RTF2: variants seen among roughly 807,000 people sequenced by gnomAD.
The protein encoded by RTF2 is UPF0549 protein C20orf43.
Under a neutral mutation model 38.0 loss-of-function variants are expected in RTF2, and 18 were observed. The observed-to-expected ratio is 0.47, with a 90% CI of 0.33 to 0.70. The LOEUF is 0.70. Ranked by LOEUF, RTF2 falls within the 30% of genes least tolerant of loss-of-function variation. The pLI, the probability that RTF2 is intolerant of heterozygous loss-of-function variation, is 0.02. For missense variants in RTF2, 311 were observed against 379.6 expected, an observed-to-expected ratio of 0.82 and a Z score of 1.50; for synonymous variants, 126 against 137.1, an observed-to-expected ratio of 0.92 and a Z score of 0.57.
intron 5 of RTF2, among the ~76,000 whole-genome samples, chr20:56,506,375 G>A (rs565685135): frequency 6.6e-5 from 10 of 152,264 alleles, no homozygotes; most frequent in Middle Eastern, 3.4e-3. Context: ...ACCATGTCTC[G>A]GAAGTGGAAT....
chr20:56,473,327 C>T lies in RTF2; in HGVS notation c.96C>T (p.Ala32=). Residue 32 remains alanine, a synonymous_variant, in exon 2 of 9, where the codon GCC becomes GCT. Transcript: ENST00000357348. ...TCGACAAAGATGCTGAATTAGTGGC[C>T]CAATGGAACTATTGTACTCTAAGTC... ...EKVDKDAELV[A]QWNYCTLSQE... The T allele has an allele frequency of 6.2e-7, 1 of 1,613,340 alleles. No homozygotes were observed. The highest frequency in any genetic ancestry group is 1.3e-5 in the African/African-American group (1 of 74,912).
intron 5 of RTF2, among the ~76,000 whole-genome samples, chr20:56,498,203 A>G (rs1983685408): frequency 6.6e-6 from 1 of 152,222 alleles, no homozygotes; most frequent in Admixed American, 6.5e-5. Flanking sequence ...TATTCTGCAT[A>G]TAAGACTAAT....
At chr20:56,487,719 T>C (rs1358231925) in intron 5 of RTF2, among the ~76,000 whole-genome samples, 1 of 152,248 alleles carries the variant, frequency 6.6e-6, no homozygotes, top group Admixed American at 6.5e-5. Flanking sequence ...GTCATTGTCT[T>C]ATAGTTCTGG....
chr20:56,497,027 A>G (rs1212831631), intron 5 of RTF2: 3 of 1,551,744 alleles, frequency 1.9e-6, no homozygotes, highest in South Asian at 2.4e-5. Context: ...ATTGAAATTT[A>G]GAATGCACTA....
At position 56,497,160 on chromosome 20, in the gene RTF2, T is replaced by C. The variant is rs149079787; in HGVS notation, c.477+12971T>C. On this transcript the variant is annotated intron_variant, in intron 5 of 8. Coordinates refer to ENST00000357348, the MANE Select transcript of RTF2 (RefSeq NM_016407.5). Reference sequence around the variant, plus strand: ...AACCAAGGTTTGCACAGCAGTCTTATACTTCATTGGGGCCTTTTCATCAAC... The same window carrying C: ...AACCAAGGTTTGCACAGCAGTCTTACACTTCATTGGGGCCTTTTCATCAAC... 607 of 1,551,424 alleles carry C rather than the reference T, an allele frequency of 3.9e-4. 2 individuals are homozygous for C. In the African/African-American group the frequency reaches 7.3e-3, roughly 19 times the overall value.
chr20:56,495,335 T>C (rs893724104), intron 5 of RTF2: 11 of 1,438,000 alleles, frequency 7.6e-6, no homozygotes, highest in Non-Finnish European at 1.1e-5. Context: ...GTGTGGAATC[T>C]GCTTCCCAGT....
intron 1 of RTF2, chr20:56,472,516 C>T: frequency 1.6e-6 from 1 of 613,588 alleles, no homozygotes; most frequent in South Asian, 2.1e-5. Context: ...AGCCCCAAAA[C>T]ACTTATTTCT....
chr20:56,480,265 C>T (rs547814655), intron 4 of RTF2, among the ~76,000 whole-genome samples: 71 of 152,286 alleles, frequency 4.7e-4, no homozygotes, highest in East Asian at 3.1e-3. Context: ...GTTATGGAGA[C>T]GCCTTCTTTC....
At position 56,517,174 on chromosome 20, in the gene RTF2, A is replaced by C. The variant is rs767826649; in HGVS notation, c.715A>C (p.Lys239Gln). 8.7e-6 allele frequency: 14 copies of C among 1,614,078 alleles called. No individual in the cohort carries two copies. Among genetic ancestry groups the C allele is most frequent in the South Asian group, 5.5e-5 (5 of 91,074 alleles). Residue 239 changes from lysine (K) to glutamine (Q), a missense_variant, in exon 8 of 9, where the codon AAA (lysine) becomes CAA (glutamine). Transcript: ENST00000357348. The part of the protein sequence containing the change: ...EEASLDSREK[K>Q]TNLAPKSTAM... ...AGCCAGCCTTGATTCTAGAGAGAAGAAAACCAACTTGGCTCCCAAAAGCAC... is the reference window on the plus strand; with the variant it reads ...AGCCAGCCTTGATTCTAGAGAGAAGCAAACCAACTTGGCTCCCAAAAGCAC...
At chr20:56,512,751 G>A (rs867268925) in intron 5 of RTF2, among the ~76,000 whole-genome samples, 4 of 152,180 alleles carry the variant, frequency 2.6e-5, no homozygotes, top group Admixed American at 2.6e-4. Context: ...GGGAAAAGGC[G>A]CATGTAGCAG....
rs770881705 is a variant in RTF2 at position 56,484,121 on chromosome 20, C to T, written c.409C>T (p.Leu137Phe). ...EMNGRHRFCF[L>F]RCCGCVFSER... is the part of the protein sequence containing the mutation. ...GGGTTATTTCTCCAGGTTCTGCTTC[C>T]TTCGGTGCTGCGGCTGTGTGTTTTC... Residue 137 changes from leucine (L) to phenylalanine (F), a missense_variant, in exon 5 of 9, where the codon CTT becomes TTT. Physicochemically the swap from Leu to Phe is conservative, Grantham distance 22. Coordinates refer to ENST00000357348, the MANE Select transcript of RTF2 (RefSeq NM_016407.5). 6.2e-7 allele frequency: 1 copy of T among 1,614,078 alleles called. No individual in the cohort carries two copies. The highest frequency in any genetic ancestry group is 8.5e-7 in the Non-Finnish European group (1 of 1,179,998).
intron 6 of RTF2, among the ~76,000 whole-genome samples, chr20:56,515,293 C>T (rs568074135): frequency 2.6e-5 from 4 of 152,136 alleles, no homozygotes; most frequent in South Asian, 4.2e-4. Flanking sequence ...AAAGGGCAGC[C>T]GGGTGCCGTG....
rs183071127 is a variant in RTF2 at position 56,483,268 on chromosome 20, A to G, written c.399-843A>G. On this transcript the variant is annotated intron_variant, in intron 4 of 8. Coordinates refer to ENST00000357348, the MANE Select transcript of RTF2 (RefSeq NM_016407.5). Reference sequence around the variant, plus strand: ...TACTGCCAAATTATCTTCCTAAAGTATTGTACTGTGTTGTATCCACCTGAC... The same window carrying G: ...TACTGCCAAATTATCTTCCTAAAGTGTTGTACTGTGTTGTATCCACCTGAC... Among the ~76,000 whole-genome samples, 419 of 152,052 alleles carry G rather than the reference A, an allele frequency of 2.8e-3. 7 individuals are homozygous for G. The highest frequency in any genetic ancestry group is 1.4e-3 in the Non-Finnish European group (94 of 67,986).
Position 56,502,990 on chromosome 20 carries a change from G to T in RTF2, c.478-10325G>T, listed in dbSNP as rs372316929. ...TGCCTCACAGGGACACTGGGAGGAG[G>T]TGTGGGAGTGAAGGATGTGAGTTTC... On this transcript the variant is annotated intron_variant, in intron 5 of 8. Coordinates refer to ENST00000357348, the MANE Select transcript of RTF2 (RefSeq NM_016407.5). Among the ~76,000 whole-genome samples the T allele has an allele frequency of 1.2e-4, 18 of 152,348 alleles. No individual in the cohort carries two copies. The East Asian group carries it at 2.7e-3, about 23-fold the overall frequency.
At chr20:56,508,019 C>T (rs1984393712) in intron 5 of RTF2, among the ~76,000 whole-genome samples, 1 of 152,172 alleles carries the variant, frequency 6.6e-6, no homozygotes, top group Non-Finnish European at 1.5e-5. Flanking sequence ...AAGGGTTGTA[C>T]CAGTTAAATG....
At chr20:56,497,413 T>C in intron 5 of RTF2, 1 of 1,549,218 alleles carries the variant, frequency 6.5e-7, no homozygotes, top group Non-Finnish European at 8.7e-7. Context: ...AATTTTGCAA[T>C]TTAGGGGGCC....
At chr20:56,491,099 A>G (rs948214481) in intron 5 of RTF2, among the ~76,000 whole-genome samples, 2 of 152,234 alleles carry the variant, frequency 1.3e-5, no homozygotes, top group Non-Finnish European at 2.9e-5. Context: ...TTATTTTTCT[A>G]GGACCGCCAG....
intron 5 of RTF2, among the ~76,000 whole-genome samples, chr20:56,489,063 AT>A (rs1364197214): frequency 0.014 from 2,024 of 146,764 alleles, 56 homozygotes; most frequent in African/African-American, 0.047. Context: ...TACTGAAATG[AT>A]TTTTTTTTTT....
At chr20:56,468,817 G>T in intron 1 of RTF2, 51 bp downstream of exon 1, 1 of 1,464,566 alleles carries the variant, frequency 6.8e-7, no homozygotes, top group Non-Finnish European at 9.3e-7. Context: ...GGAATTTGAC[G>T]ACCCCAGAAA....
Sources: allele counts gnomAD v4.1 joint callset (sites outside exome capture counted in the v4.1 genomes callset), GRCh38; gene constraint gnomAD v4.1.1; transcripts MANE v1.5; gene names NCBI Gene and HGNC (gene_info 2026-07-23, HGNC 2026-07-21).